TENM2: variants seen among roughly 807,000 people sequenced by gnomAD.
The protein encoded by TENM2 is teneurin-2.
TENM2 carries 52 observed loss-of-function variants against 245.2 expected under a neutral mutation model. The observed-to-expected ratio is 0.21, with a 90% confidence interval of 0.17 to 0.27. The LOEUF (loss-of-function observed/expected upper bound fraction) is 0.27. Ranked by LOEUF, TENM2 falls within the 10% of genes least tolerant of loss-of-function variation. TENM2 has a pLI of 1.00. For synonymous variants in TENM2, 1,363 were observed against 1,438.9 expected (o/e 0.95, Z 1.19); for missense variants, 3,046 against 3,666.8 (o/e 0.83, Z 4.37).
At chr5:167,207,512 A>T in the TENM2 span, among the ~76,000 whole-genome samples, 1 of 152,318 alleles carries the variant, frequency 6.6e-6, no homozygotes. Context: ...ACCATATGAA[A>T]CACATCTGCA....
rs1376105459 is a variant in TENM2 at position 168,118,158 on chromosome 5, T to C, written c.1814-134T>C. ...GTTTATCTGGCAATGGTTCTGCACC[T>C]GCACAGCCAGAGTCCCCAGCCTAGA... On this transcript the variant is annotated intron_variant, in intron 9 of 28. Coordinates refer to ENST00000518659, the Ensembl canonical transcript of TENM2. The C allele has an allele frequency of 3.1e-5, 18 of 588,758 alleles. No individual in the cohort carries two copies. In the East Asian group the frequency reaches 5.0e-4, roughly 16 times the overall value. 36.5% of individuals were successfully genotyped at this position (588,758 alleles called of 1,614,324 possible).
At chr5:167,532,863 ATAATC>A (rs1771612063) in intron 2 of TENM2, among the ~76,000 whole-genome samples, 1 of 149,338 alleles carries the variant, frequency 6.7e-6, no homozygotes, top group Non-Finnish European at 1.5e-5. Context: ...TGTAAACTGT[ATAATC>A]TAATCTAGAT....
At chr5:167,650,150 T>G (rs974872481) in intron 2 of TENM2, among the ~76,000 whole-genome samples, 2 of 152,198 alleles carry the variant, frequency 1.3e-5, no homozygotes, top group African/African-American at 2.4e-5. Flanking sequence ...TAAAATAAGC[T>G]GCATTCCCTG....
intron 2 of TENM2, among the ~76,000 whole-genome samples, chr5:167,534,472 A>T (rs1205419690): frequency 6.6e-6 from 1 of 152,220 alleles, no homozygotes; most frequent in African/African-American, 2.4e-5. Flanking sequence ...TGAATTTCAG[A>T]TAAACAACAA....
intron 2 of TENM2, among the ~76,000 whole-genome samples, chr5:167,704,260 CT>C (rs1246839288): frequency 1.3e-5 from 2 of 152,164 alleles, no homozygotes; most frequent in African/African-American, 4.8e-5. Flanking sequence ...CTCTGGGTCC[CT>C]GTCTGAACAG....
the TENM2 span, among the ~76,000 whole-genome samples, chr5:167,241,630 G>A: frequency 6.6e-5 from 10 of 152,198 alleles, no homozygotes; most frequent in Non-Finnish European, 1.2e-4. Flanking sequence ...AAGGATTGAT[G>A]ACATGGTTCA....
intron 1 of TENM2, among the ~76,000 whole-genome samples, chr5:167,352,477 A>G (rs1032147844): frequency 6.6e-6 from 1 of 152,212 alleles, no homozygotes; most frequent in Admixed American, 6.5e-5. Flanking sequence ...TTGCATAGAA[A>G]GTTTTGCCAC....
intron 2 of TENM2, among the ~76,000 whole-genome samples, chr5:167,402,531 G>A (rs538606883): frequency 6.6e-6 from 1 of 152,220 alleles, no homozygotes; most frequent in South Asian, 2.1e-4. Flanking sequence ...GCAAGAGTTA[G>A]AAGGAAATGA....
intron 1 of TENM2, among the ~76,000 whole-genome samples, chr5:167,365,472 C>A (rs1394322850): frequency 1.3e-5 from 2 of 150,474 alleles, no homozygotes; most frequent in Non-Finnish European, 1.5e-5. Flanking sequence ...AAATTAAAGC[C>A]AACAGCTGTT....
chr5:167,501,874 TA>T, intron 2 of TENM2, among the ~76,000 whole-genome samples: 1 of 152,126 alleles, frequency 6.6e-6, no homozygotes, highest in East Asian at 1.9e-4. Context: ...GGGTGGTAGG[TA>T]AAGTAGAAAT....
chr5:168,044,570 T>G (rs1402333845), intron 5 of TENM2, among the ~76,000 whole-genome samples: 2 of 150,774 alleles, frequency 1.3e-5, no homozygotes, highest in African/African-American at 4.9e-5. Context: ...CTGCCCCCCG[T>G]GTATCATTAT....
At chr5:167,460,509 G>A (rs1419997836) in intron 2 of TENM2, among the ~76,000 whole-genome samples, 3 of 152,048 alleles carry the variant, frequency 2.0e-5, no homozygotes, top group Non-Finnish European at 4.4e-5. Context: ...TGTGAAAGAC[G>A]TAAGTTCATC....
intron 2 of TENM2, among the ~76,000 whole-genome samples, chr5:167,423,262 TGAAA>T (rs1255984293): frequency 2.0e-5 from 3 of 152,200 alleles, no homozygotes; most frequent in African/African-American, 7.2e-5. Context: ...GTTAGCTGCC[TGAAA>T]GACAGATTAA....
chr5:168,186,988 T>A (rs1484992218), intron 13 of TENM2: 1 of 152,208 alleles, frequency 6.6e-6, no homozygotes, highest in African/African-American at 2.4e-5. Context: ...TGAAAGTGTT[T>A]GGCGGCTGCA....
chr5:167,286,742 C>G (rs897711119), intron 1 of TENM2, among the ~76,000 whole-genome samples: 3 of 152,184 alleles, frequency 2.0e-5, no homozygotes, highest in Non-Finnish European at 4.4e-5. Flanking sequence ...TGCATCCTGG[C>G]TTCTGGATCA....
At chr5:167,151,985 G>T in the TENM2 span, among the ~76,000 whole-genome samples, 1 of 152,226 alleles carries the variant, frequency 6.6e-6, no homozygotes, top group Non-Finnish European at 1.5e-5. Context: ...TTTTTCACAT[G>T]CTCCATTTAG....
At chr5:167,790,405 G>A (rs1403078752) in intron 2 of TENM2, among the ~76,000 whole-genome samples, 2 of 152,122 alleles carry the variant, frequency 1.3e-5, no homozygotes, top group South Asian at 2.1e-4. Context: ...TGGGTAAAGC[G>A]ATGTTCGACT....
chr5:167,102,855 T>G, the TENM2 span, among the ~76,000 whole-genome samples: 8 of 152,164 alleles, frequency 5.3e-5, no homozygotes, highest in African/African-American at 1.7e-4. Flanking sequence ...GACGGGGGTT[T>G]CAGCATGTTG....
intron 2 of TENM2, among the ~76,000 whole-genome samples, chr5:167,859,286 C>A (rs1266514014): frequency 1.3e-4 from 16 of 125,218 alleles, no homozygotes; most frequent in African/African-American, 4.9e-4. Context: ...GCTGCCCCGT[C>A]TGAGAAGTGA....
Sources: allele counts gnomAD v4.1 joint callset (sites outside exome capture counted in the v4.1 genomes callset), GRCh38; gene constraint gnomAD v4.1.1; transcripts MANE v1.5; gene names NCBI Gene and HGNC (gene_info 2026-07-23, HGNC 2026-07-21).